The following CASK variants were observed in gnomAD, a reference collection of about 807,000 sequenced individuals.
CASK encodes the protein peripheral plasma membrane protein CASK.
Under a neutral mutation model 82.9 loss-of-function variants are expected in CASK, and 4 were observed. The ratio of observed to expected loss-of-function variants is 0.05; its 90% CI spans 0.02 to 0.11. The LOEUF is 0.11. Among genes scored for constraint, CASK ranks in the 10% least tolerant of loss-of-function variants. The probability of loss-of-function intolerance (pLI) is 1.00; values close to 1 mark genes in which losing one functional copy is unlikely to be tolerated. For missense variants in CASK, 358 were observed against 720.9 expected, an observed-to-expected ratio of 0.50 and a Z score of 5.76; for synonymous variants, 259 against 253.5, an observed-to-expected ratio of 1.02 and a Z score of -0.20.
intron 3 of CASK, among the ~76,000 whole-genome samples, chrX:41,785,570 T>C (rs2069579411): frequency 8.9e-6 from 1 of 112,606 alleles, no homozygotes; most frequent in South Asian, 3.6e-4. Context: ...TTTTTTCACA[T>C]AATCACAACT....
chrX:41,847,685 AG>A (rs2071184855), intron 2 of CASK, among the ~76,000 whole-genome samples: 1 of 112,201 alleles, frequency 8.9e-6, no homozygotes, highest in Admixed American at 9.5e-5. Context: ...CCTTTTCTGC[AG>A]GATTTATTGT....
intron 11 of CASK, among the ~76,000 whole-genome samples, chrX:41,613,107 G>A (rs1165697923): frequency 8.9e-5 from 10 of 111,774 alleles, no homozygotes; most frequent in African/African-American, 3.2e-4. Flanking sequence ...CCCTCTGCCC[G>A]GCCACCACCC....
At chrX:41,590,548 T>C (rs1310344579) in intron 12 of CASK, among the ~76,000 whole-genome samples, 1 of 94,575 alleles carries the variant, frequency 1.1e-5, no homozygotes, top group African/African-American at 3.8e-5. Flanking sequence ...AGAAACTAAA[T>C]ATATTTCTAA....
intron 2 of CASK, among the ~76,000 whole-genome samples, chrX:41,819,470 C>A (rs1443305196): frequency 9.0e-6 from 1 of 111,215 alleles, no homozygotes; most frequent in Admixed American, 9.6e-5. Flanking sequence ...TTTAAAATAA[C>A]CCCACAAAGA....
At chrX:41,600,219 G>T (rs974240045) in intron 12 of CASK, among the ~76,000 whole-genome samples, 1 of 111,752 alleles carries the variant, frequency 8.9e-6, no homozygotes, top group Non-Finnish European at 1.9e-5. Flanking sequence ...ATTTGTACTT[G>T]GTGTAGCTGT....
At position 41,569,802 on chromosome X, in the gene CASK, C is replaced by T. The variant is rs755886884; in HGVS notation, c.1504-56G>A. ...AAGTAGAATTACTATGACAGTGCTTCTCTTAATATTTGTGATTTTGCGGTA... is the reference window on the plus strand; with the variant it reads ...AAGTAGAATTACTATGACAGTGCTTTTCTTAATATTTGTGATTTTGCGGTA... On this transcript the variant is annotated intron_variant, in intron 15 of 26. Coordinates refer to ENST00000378163, the MANE Select transcript of CASK (RefSeq NM_001367721.1). 4.6e-5 allele frequency: 32 copies of T among 691,430 alleles called. No individual in the cohort carries two copies. In the East Asian group the frequency reaches 1.1e-3, roughly 23 times the overall value. 57.0% of individuals were successfully genotyped at this position (691,430 alleles called of 1,213,427 possible).
intron 3 of CASK, 164 bp downstream of exon 3, chrX:41,787,014 A>C (rs891231250): frequency 2.2e-6 from 1 of 452,542 alleles, no homozygotes; most frequent in African/African-American, 2.4e-5. Flanking sequence ...TTCCTTTGCC[A>C]CTGTAAACCT....
At chrX:41,874,377 A>G (rs1348864305) in intron 1 of CASK, among the ~76,000 whole-genome samples, 2 of 110,908 alleles carry the variant, frequency 1.8e-5, no homozygotes, top group African/African-American at 6.6e-5. Context: ...CTCCATGTGC[A>G]TATGTTCTCA....
intron 21 of CASK, among the ~76,000 whole-genome samples, chrX:41,548,571 C>T (rs2065053799): frequency 8.9e-6 from 1 of 111,798 alleles, no homozygotes; most frequent in African/African-American, 3.3e-5. Context: ...ATACTGCGAA[C>T]TCTCAGTAAT....
rs776739110 is a variant in CASK at position 41,649,849 on chromosome X, G to T, written c.831+10590C>A. Among the ~76,000 whole-genome samples the T allele has an allele frequency of 3.6e-5, 4 of 110,769 alleles. No homozygotes were observed. In the Admixed American group the frequency reaches 3.8e-4, roughly 11 times the overall value. On this transcript the variant is annotated intron_variant, in intron 8 of 26. Coordinates refer to ENST00000378163, the MANE Select transcript of CASK (RefSeq NM_001367721.1). ...TTGATCTGTCTGATATTGACAGTGG[G>T]GTGTTAAAGTCTCCCATTATTATTG...
intron 3 of CASK, among the ~76,000 whole-genome samples, chrX:41,763,996 A>G: frequency 8.9e-6 from 1 of 112,057 alleles, no homozygotes; most frequent in Middle Eastern, 4.6e-3. Context: ...TATGTCCCTC[A>G]CTAAGGAAAT....
intron 5 of CASK, chrX:41,676,410 C>T: frequency 8.3e-7 from 1 of 1,197,638 alleles, no homozygotes; most frequent in Admixed American, 2.2e-5. Flanking sequence ...TGCTCAGTTA[C>T]AGACTTCATG....
rs986174365 is a variant in CASK, at chrX:41,517,755, A to T, written c.*2665T>A. The T allele has an allele frequency of 4.1e-6, 3 of 728,182 alleles. No individual in the cohort carries two copies. The African/African-American group carries it at 6.7e-5, about 16-fold the overall frequency. 60.0% of individuals were successfully genotyped at this position (728,182 alleles called of 1,213,427 possible). On this transcript the variant is annotated 3_prime_UTR_variant, in exon 27 of 27. Transcript: ENST00000378163. ...ATTTTCTCTGATTGCTTAGTGGACA[A>T]TTGTAATGTAGCAGTAGCAGCAGCA...
chrX:41,690,280 C>G (rs1270425027), intron 5 of CASK, among the ~76,000 whole-genome samples: 1 of 109,374 alleles, frequency 9.1e-6, no homozygotes, highest in African/African-American at 3.3e-5. Context: ...ATGTACTAAC[C>G]AACTTCAAAG....
chrX:41,864,089 C>T (rs980323678), intron 1 of CASK, among the ~76,000 whole-genome samples: 3 of 111,199 alleles, frequency 2.7e-5, no homozygotes, highest in Middle Eastern at 4.7e-3. Flanking sequence ...TGTGGAATAC[C>T]GTTAATCTCT....
intron 2 of CASK, among the ~76,000 whole-genome samples, chrX:41,794,017 C>G (rs893903746): frequency 8.9e-6 from 1 of 112,290 alleles, no homozygotes; most frequent in African/African-American, 3.2e-5. Context: ...GAGGCCTAGA[C>G]AGGCCACCAT....
At chrX:41,728,144 C>T (rs1187334358) in intron 5 of CASK, 1 of 381,714 alleles carries the variant, frequency 2.6e-6, no homozygotes, top group African/African-American at 2.6e-5. Context: ...CAATAATCAC[C>T]AAGAAAATCT....
intron 2 of CASK, among the ~76,000 whole-genome samples, chrX:41,818,675 T>G (rs1209253168): frequency 9.0e-6 from 1 of 110,799 alleles, no homozygotes; most frequent in East Asian, 2.8e-4. Context: ...TAAAGACAGA[T>G]CAATAAGTCT....
chrX:41,806,269 T>C (rs952322455), intron 2 of CASK, among the ~76,000 whole-genome samples: 2 of 112,205 alleles, frequency 1.8e-5, no homozygotes, highest in Non-Finnish European at 3.8e-5. Context: ...GATGTACTTC[T>C]CTGCCTCACA....
Sources: allele counts gnomAD v4.1 joint callset (sites outside exome capture counted in the v4.1 genomes callset), GRCh38; gene constraint gnomAD v4.1.1; transcripts MANE v1.5; gene names NCBI Gene and HGNC (gene_info 2026-07-23, HGNC 2026-07-21).